Variants in UTRN observed in about 807,000 individuals in gnomAD.
UTRN encodes the protein dystrophin-related protein 1.
Under a neutral mutation model 463.9 loss-of-function variants are expected in UTRN, and 283 were observed. That is an observed-to-expected ratio of 0.61 (90% confidence interval 0.55 to 0.67). UTRN has a LOEUF of 0.67. Ranked by LOEUF, UTRN falls within the 30% of genes least tolerant of loss-of-function variation. The probability of loss-of-function intolerance (pLI) is 0.00; values close to 1 mark genes in which losing one functional copy is unlikely to be tolerated. For synonymous variants in UTRN, 1,442 were observed against 1,431.5 expected, an observed-to-expected ratio of 1.01 and a Z score of -0.17; for missense variants, 3,922 against 4,084.3, an observed-to-expected ratio of 0.96 and a Z score of 1.08.
intron 53 of UTRN, among the ~76,000 whole-genome samples, chr6:144,728,499 T>C (rs994286521): frequency 6.6e-6 from 1 of 151,670 alleles, no homozygotes; most frequent in Non-Finnish European, 1.5e-5. Flanking sequence ...ATTTCCTGAA[T>C]GTCACACATC....
rs1340037925 is a variant in UTRN at position 144,447,695 on chromosome 6, G to T, written c.1816G>T (p.Ala606Ser). The T allele has an allele frequency of 6.2e-7, 1 of 1,614,012 alleles. No homozygotes were observed. Among genetic ancestry groups the T allele is most frequent in the Non-Finnish European group, 8.5e-7 (1 of 1,179,954 alleles). Reference sequence around the variant, plus strand: ...GGGACAATTACTTGATAATTCCAAGGCATCTAAGAAGATCAACAGTGACTC... The same window carrying T: ...GGGACAATTACTTGATAATTCCAAGTCATCTAAGAAGATCAACAGTGACTC... ...DVGQLLDNSK[A>S]SKKINSDSEE... Residue 606 changes from alanine to serine, a missense_variant, in exon 16 of 75, where the codon GCA (alanine) becomes TCA (serine). Physicochemically the swap from Ala to Ser is moderately conservative, Grantham distance 99. Coordinates refer to ENST00000367545, the MANE Select transcript of UTRN (RefSeq NM_007124.3).
At chr6:144,330,877 G>C in intron 2 of UTRN, 1 of 985,410 alleles carries the variant, frequency 1.0e-6, no homozygotes, top group Non-Finnish European at 1.2e-6. Flanking sequence ...TCCAGCCGAG[G>C]GGTACACATC....
chr6:144,444,524 A>C, intron 14 of UTRN, 142 bp downstream of exon 14: 1 of 488,340 alleles, frequency 2.0e-6, no homozygotes, highest in Non-Finnish European at 3.4e-6. Context: ...TCAAATTTCT[A>C]TCCAGTTTAT....
chr6:144,638,175 G>A (rs1337356148), intron 51 of UTRN, among the ~76,000 whole-genome samples: 1 of 152,102 alleles, frequency 6.6e-6, no homozygotes, highest in Non-Finnish European at 1.5e-5. Context: ...TGAGAGCACT[G>A]TTTTAAAAAA....
At chr6:144,729,835 C>T (rs569153208) in intron 53 of UTRN, among the ~76,000 whole-genome samples, 1 of 152,146 alleles carries the variant, frequency 6.6e-6, no homozygotes, top group East Asian at 1.9e-4. Flanking sequence ...TTATATGTGC[C>T]CTCATTGGTT....
chr6:144,775,776 T>C (rs1026026515), intron 60 of UTRN, among the ~76,000 whole-genome samples: 2 of 152,146 alleles, frequency 1.3e-5, no homozygotes, highest in African/African-American at 4.8e-5. Flanking sequence ...ATGAACATGG[T>C]CCCAGTTTTC....
At chr6:144,780,729 A>G (rs1417597659) in intron 60 of UTRN, among the ~76,000 whole-genome samples, 1 of 152,166 alleles carries the variant, frequency 6.6e-6, no homozygotes, top group African/African-American at 2.4e-5. Context: ...GTGTGCCTGG[A>G]CCATGCATTT....
chr6:144,614,090 G>A (rs1805813542), intron 51 of UTRN, among the ~76,000 whole-genome samples: 1 of 151,842 alleles, frequency 6.6e-6, no homozygotes, highest in African/African-American at 2.4e-5. Flanking sequence ...AACACTAGAA[G>A]TCTCAGCAGC....
chr6:144,816,201 C>T (rs896807260), intron 65 of UTRN, among the ~76,000 whole-genome samples: 2 of 152,092 alleles, frequency 1.3e-5, no homozygotes, highest in Non-Finnish European at 2.9e-5. Flanking sequence ...AGTTTTCCAA[C>T]AGACAAACTG....
chr6:144,459,034 A>G (rs1789149265), intron 20 of UTRN, 23 bp downstream of exon 20: 2 of 1,581,534 alleles, frequency 1.3e-6, no homozygotes, highest in Non-Finnish European at 1.7e-6. Context: ...CGGTCTGGAA[A>G]GTGGAGGAAT....
chr6:144,353,260 G>A (rs973481994), intron 2 of UTRN, among the ~76,000 whole-genome samples: 5 of 151,948 alleles, frequency 3.3e-5, no homozygotes, highest in Non-Finnish European at 7.4e-5. Context: ...GACTACAGGC[G>A]CATGCTACCA....
chr6:144,766,153 G>A (rs147564274), intron 58 of UTRN, among the ~76,000 whole-genome samples: 2 of 151,910 alleles, frequency 1.3e-5, no homozygotes, highest in South Asian at 2.1e-4. Flanking sequence ...ACACAAGCAC[G>A]TGCACAGAGT....
At chr6:144,755,578 A>G (rs1222508460) in intron 57 of UTRN, among the ~76,000 whole-genome samples, 2 of 152,152 alleles carry the variant, frequency 1.3e-5, no homozygotes, top group Non-Finnish European at 2.9e-5. Flanking sequence ...ACTCAATGAC[A>G]AGGCATATCG....
At chr6:144,491,983 T>C (rs758002033) in intron 32 of UTRN, among the ~76,000 whole-genome samples, 17 of 152,168 alleles carry the variant, frequency 1.1e-4, no homozygotes, top group Admixed American at 2.0e-4. Flanking sequence ...CCTACAGAAC[T>C]ACGATTTCTT....
intron 2 of UTRN, among the ~76,000 whole-genome samples, chr6:144,374,288 A>G (rs1436983307): frequency 6.6e-6 from 1 of 152,190 alleles, no homozygotes; most frequent in Non-Finnish European, 1.5e-5. Flanking sequence ...AAAAATATGT[A>G]TAACAAAACA....
rs1369013940 is a variant in UTRN, at chr6:144,448,610, C to A, written c.1913C>A (p.Ala638Asp). 3.7e-6 allele frequency: 6 copies of A among 1,613,650 alleles called. No individual in the cohort carries two copies. Among genetic ancestry groups the A allele is most frequent in the Non-Finnish European group, 4.2e-6 (5 of 1,179,738 alleles). ...LEDSSNQVTQAVAKLGMSQIP... is the reference protein window; with the variant it reads ...LEDSSNQVTQDVAKLGMSQIP... ...TGGCTTTTATTTCAGGTGACTCAGG[C>A]TGTAGCAAAGCTGGGGATGTCTCAG... The change falls in exon 17 of 75, where the codon GCT becomes GAT. Residue 638 changes from alanine to aspartate, a missense_variant. By Grantham distance (126) the Ala-to-Asp change is moderately radical. Around this residue, in one of 3 missense-constraint regions of UTRN, gnomAD observed 2,349 missense variants for 2,303.8 expected, o/e 1.02. Coordinates refer to ENST00000367545, the MANE Select transcript of UTRN (RefSeq NM_007124.3).
At chr6:144,657,501 G>C (rs1779443492) in intron 51 of UTRN, among the ~76,000 whole-genome samples, 1 of 152,118 alleles carries the variant, frequency 6.6e-6, no homozygotes, top group South Asian at 2.1e-4. Context: ...TACTTATCAG[G>C]CTGATAAAAG....
chr6:144,583,640 C>T, intron 51 of UTRN: 3 of 596,524 alleles, frequency 5.0e-6, no homozygotes, highest in Non-Finnish European at 9.4e-6. Context: ...GGGTGTCTGA[C>T]AGTTCTACTG....
intron 34 of UTRN, among the ~76,000 whole-genome samples, chr6:144,508,359 A>C (rs926457313): frequency 6.6e-6 from 1 of 152,144 alleles, no homozygotes; most frequent in African/African-American, 2.4e-5. Context: ...TAGTGCTTGA[A>C]ACCCAGGGCC....
Sources: allele counts gnomAD v4.1 joint callset (sites outside exome capture counted in the v4.1 genomes callset), GRCh38; gene constraint gnomAD v4.1.1; regional missense constraint gnomAD v4.1.1; transcripts MANE v1.5; gene names NCBI Gene and HGNC (gene_info 2026-07-23, HGNC 2026-07-21).